GPD2: variants seen among roughly 807,000 people sequenced by gnomAD.
GPD2 encodes glycerol-3-phosphate dehydrogenase 2, also known as glycerol-3-phosphate dehydrogenase, mitochondrial.
A neutral mutation model predicts 82.4 loss-of-function variants in GPD2; 54 were observed. The observed-to-expected ratio is 0.66, with a 90% confidence interval of 0.53 to 0.82. GPD2 has a LOEUF of 0.82. GPD2 is among the 40% of genes least tolerant of loss of function. The pLI is 0.00. For synonymous variants in GPD2, 288 were observed against 306.1 expected (o/e 0.94, Z 0.62); for missense variants, 748 against 896.2 (o/e 0.83, Z 2.11).
intron 2 of GPD2, among the ~76,000 whole-genome samples, chr2:156,487,224 G>A (rs965050363): frequency 9.2e-5 from 14 of 152,090 alleles, no homozygotes; most frequent in African/African-American, 1.7e-4. Flanking sequence ...CAGGAGAATC[G>A]CACAAACCCA....
chr2:156,472,000 A>G (rs1683346213), intron 1 of GPD2, among the ~76,000 whole-genome samples: 1 of 152,220 alleles, frequency 6.6e-6, no homozygotes, highest in Admixed American at 6.5e-5. Flanking sequence ...GTAAGCATAT[A>G]TGTGATTTAA....
chr2:156,570,144 G>T lies in GPD2; in HGVS notation c.1534G>T (p.Ala512Ser), dbSNP rs375974539. 1.5e-5 allele frequency: 24 copies of T among 1,612,334 alleles called. No homozygotes were observed. The highest frequency in any genetic ancestry group is 2.0e-5 in the Non-Finnish European group (24 of 1,179,106). Residue 512 changes from alanine to serine, a missense_variant, in exon 12 of 17, where the codon GCA (alanine) becomes TCA (serine). Physicochemically the swap from Ala to Ser is moderately conservative, Grantham distance 99. Coordinates refer to ENST00000438166, the MANE Select transcript of GPD2 (RefSeq NM_000408.5). ...TAAGGCCTTTGAGGTGGCCAAAATG[G>T]CAAGTGTGACTGGCAAAAGGTGGCC... ...GDKAFEVAKM[A>S]SVTGKRWPIV...
upstream of GPD2, among the ~76,000 whole-genome samples, chr2:156,434,128 G>A (rs914868581): frequency 6.6e-6 from 1 of 152,222 alleles, no homozygotes; most frequent in East Asian, 1.9e-4. Flanking sequence ...TTTTGAGATG[G>A]AGTCTCACTC....
chr2:156,482,761 C>T (rs1386993992), intron 2 of GPD2, among the ~76,000 whole-genome samples: 1 of 151,928 alleles, frequency 6.6e-6, no homozygotes, highest in Non-Finnish European at 1.5e-5. Flanking sequence ...TTGTGAGTGG[C>T]TTAGGAAATA....
chr2:156,442,852 T>C (rs1444423977), intron 1 of GPD2, among the ~76,000 whole-genome samples: 1 of 152,170 alleles, frequency 6.6e-6, no homozygotes, highest in Admixed American at 6.5e-5. Context: ...TTTTGTTTCA[T>C]TGTGGTAATG....
chr2:156,533,871 G>A (rs1009043561), intron 6 of GPD2, among the ~76,000 whole-genome samples: 34 of 152,222 alleles, frequency 2.2e-4, no homozygotes, highest in African/African-American at 4.8e-5. Context: ...CAGGGTGAGC[G>A]CTTTTGGGCT....
At chr2:156,552,097 C>T (rs892952927) in intron 8 of GPD2, among the ~76,000 whole-genome samples, 2 of 152,126 alleles carry the variant, frequency 1.3e-5, no homozygotes, top group Non-Finnish European at 2.9e-5. Context: ...TAAGATGCAC[C>T]TAATTGGTAC....
intron 9 of GPD2, 31 bp from the exon 10 acceptor site, chr2:156,568,794 G>A: frequency 2.5e-6 from 4 of 1,600,410 alleles, no homozygotes; most frequent in Non-Finnish European, 3.4e-6. Flanking sequence ...TTTGAGCAAT[G>A]TTCATAACCC....
intron 1 of GPD2, among the ~76,000 whole-genome samples, chr2:156,451,746 G>C (rs1037394365): frequency 6.8e-6 from 1 of 148,120 alleles, no homozygotes. Context: ...GCGGGGGGCT[G>C]ACCCCCCCAC....
At chr2:156,504,765 T>G (rs967307887) in intron 3 of GPD2, among the ~76,000 whole-genome samples, 1 of 152,052 alleles carries the variant, frequency 6.6e-6, no homozygotes, top group Non-Finnish European at 1.5e-5. Context: ...TAGAAAAATA[T>G]TTATTGACAT....
chr2:156,519,106 T>C (rs1238703495), intron 6 of GPD2, among the ~76,000 whole-genome samples: 3 of 152,144 alleles, frequency 2.0e-5, no homozygotes. Context: ...ATGTCTATAA[T>C]ATATAAAAAC....
Position 156,439,540 on chromosome 2 carries a change from C to CAAAAA in GPD2, c.-9+3036_-9+3040dup, listed in dbSNP as rs869250333. ...AAAAAAAAAAAAAAAAAAAAAAAAA[C>CAAAAA]AAAAAAAAAAAAACAAGCCAGGCAG... On this transcript the variant is annotated intron_variant, in intron 1 of 16. Coordinates refer to ENST00000438166, the MANE Select transcript of GPD2 (RefSeq NM_000408.5). Among the ~76,000 whole-genome samples, 4 of 71,284 alleles carry CAAAAA rather than the reference C, an allele frequency of 5.6e-5. 1 individual carries two copies. In the Admixed American group the frequency reaches 6.3e-4, roughly 11 times the overall value. 46.8% of individuals were successfully genotyped at this position (71,284 alleles called of 152,430 possible). A position where few individuals can be genotyped will look rare whatever the true frequency, so the allele number is the denominator to read the frequency against.
the GPD2 span, among the ~76,000 whole-genome samples, chr2:156,423,899 C>G: frequency 6.6e-6 from 1 of 152,156 alleles, no homozygotes; most frequent in East Asian, 1.9e-4. Flanking sequence ...CAAAACAAAG[C>G]GCTTTCCTAT....
At chr2:156,540,057 TTC>T (rs1407550662) in intron 6 of GPD2, among the ~76,000 whole-genome samples, 1 of 152,076 alleles carries the variant, frequency 6.6e-6, no homozygotes, top group Non-Finnish European at 1.5e-5. Context: ...AGAAAAGAAA[TTC>T]TCTGATAGGA....
chr2:156,547,833 C>G (rs185522556), intron 6 of GPD2, among the ~76,000 whole-genome samples: 25 of 152,288 alleles, frequency 1.6e-4, no homozygotes, highest in African/African-American at 6.0e-4. Context: ...TAACTGTTTT[C>G]TAAAGGAACT....
Position 156,579,132 on chromosome 2 carries a change from A to G in GPD2, c.1927A>G (p.Ile643Val). ...GTTTGATGCAGACCAGAAAGGCTTT[A>G]TTACCATTGTTGATGTTCAGCGTGT... ...HKFDADQKGFITIVDVQRVLE... is the reference protein window; with the variant it reads ...HKFDADQKGFVTIVDVQRVLE... The change falls in exon 15 of 17, where the codon ATT (isoleucine) becomes GTT (valine). Residue 643 changes from isoleucine to valine, a missense_variant. Physicochemically the swap from Ile to Val is conservative, Grantham distance 29. Coordinates refer to ENST00000438166, the MANE Select transcript of GPD2 (RefSeq NM_000408.5). The G allele has an allele frequency of 6.2e-7, 1 of 1,607,738 alleles. No individual in the cohort carries two copies.
At chr2:156,546,178 C>T (rs986249416) in intron 6 of GPD2, among the ~76,000 whole-genome samples, 1 of 152,116 alleles carries the variant, frequency 6.6e-6, no homozygotes, top group Non-Finnish European at 1.5e-5. Context: ...TCACAGTTCC[C>T]GTCTGGGTCC....
At chr2:156,461,181 T>A (rs1451076291) in intron 1 of GPD2, among the ~76,000 whole-genome samples, 1 of 86,520 alleles carries the variant, frequency 1.2e-5, no homozygotes, top group Non-Finnish European at 2.3e-5. Flanking sequence ...TTTTTTTTTT[T>A]TTTTTGAGAC....
intron 13 of GPD2, among the ~76,000 whole-genome samples, chr2:156,574,131 A>G (rs1363760539): frequency 6.6e-6 from 1 of 152,118 alleles, no homozygotes; most frequent in Non-Finnish European, 1.5e-5. Flanking sequence ...CCAAAATCCA[A>G]CCAACTTGGA....
Sources: allele counts gnomAD v4.1 joint callset (sites outside exome capture counted in the v4.1 genomes callset), GRCh38; gene constraint gnomAD v4.1.1; transcripts MANE v1.5; gene names NCBI Gene and HGNC (gene_info 2026-07-23, HGNC 2026-07-21).